DIPK1A: variants seen among roughly 807,000 people sequenced by gnomAD.
DIPK1A encodes the protein divergent protein kinase domain 1A.
Under a neutral mutation model 40.8 loss-of-function variants are expected in DIPK1A, and 27 were observed. The ratio of observed to expected loss-of-function variants is 0.66; its 90% CI spans 0.49 to 0.91. The LOEUF (loss-of-function observed/expected upper bound fraction) is 0.91, where lower values mean the gene tolerates loss of function less well. DIPK1A is among the 40% of genes least tolerant of loss of function. The probability of loss-of-function intolerance (pLI) is 0.00; values close to 1 mark genes in which losing one functional copy is unlikely to be tolerated. For missense variants in DIPK1A, 412 were observed against 505.7 expected, an observed-to-expected ratio of 0.81 and a Z score of 1.78; for synonymous variants, 166 against 171.3, an observed-to-expected ratio of 0.97 and a Z score of 0.24.
rs1295651133 is a variant in DIPK1A at position 92,852,380 on chromosome 1, CTCAAGTAT to C, written c.190-1433_190-1426del. Among the ~76,000 whole-genome samples the C allele has an allele frequency of 6.6e-5, 10 of 151,884 alleles. No homozygotes were observed. In the East Asian group the frequency reaches 2.0e-3, roughly 30 times the overall value. On this transcript the variant is annotated intron_variant, in intron 2 of 4. Transcript: ENST00000370310. ...GGGCGTGGTGGCGCATGCCTGTAAT[CTCAAGTAT>C]TCAGGAGGCTGCGGTGGAAGAGTCG...
intron 1 of DIPK1A, among the ~76,000 whole-genome samples, chr1:92,926,076 T>C (rs1650493248): frequency 6.6e-6 from 1 of 152,194 alleles, no homozygotes; most frequent in East Asian, 1.9e-4. Context: ...TTAATTGATA[T>C]CTGCTATTGT....
At chr1:92,861,875 G>A (rs1392476107) in intron 2 of DIPK1A, among the ~76,000 whole-genome samples, 1 of 151,072 alleles carries the variant, frequency 6.6e-6, no homozygotes, top group Non-Finnish European at 1.5e-5. Flanking sequence ...ACCTCCCTGG[G>A]CTCGGGTGAT....
chr1:92,903,159 C>T (rs1649485546), intron 1 of DIPK1A, among the ~76,000 whole-genome samples: 1 of 152,140 alleles, frequency 6.6e-6, no homozygotes, highest in Non-Finnish European at 1.5e-5. Context: ...GATCCTCCCA[C>T]CTCAGCCTCA....
chr1:92,944,485 A>G (rs1651288552), intron 1 of DIPK1A, among the ~76,000 whole-genome samples: 1 of 152,224 alleles, frequency 6.6e-6, no homozygotes, highest in Non-Finnish European at 1.5e-5. Flanking sequence ...AAGGATTGAT[A>G]ATCAAACTAG....
intron 2 of DIPK1A, among the ~76,000 whole-genome samples, chr1:92,861,427 G>A (rs1377286066): frequency 3.6e-5 from 5 of 137,944 alleles, no homozygotes; most frequent in Admixed American, 1.6e-4. Flanking sequence ...CCTGGGTTCC[G>A]GCAATTCTTG....
At chr1:92,849,703 G>A (rs1390527152) in intron 3 of DIPK1A, among the ~76,000 whole-genome samples, 2 of 151,894 alleles carry the variant, frequency 1.3e-5, no homozygotes, top group African/African-American at 2.4e-5. Flanking sequence ...TAGTAGAGAG[G>A]GGGTATCGCA....
chr1:92,923,287 C>T (rs958299002), intron 1 of DIPK1A, among the ~76,000 whole-genome samples: 2 of 152,010 alleles, frequency 1.3e-5, no homozygotes, highest in African/African-American at 4.8e-5. Flanking sequence ...TATAGGCGCC[C>T]ACCACCACGC....
intron 2 of DIPK1A, among the ~76,000 whole-genome samples, chr1:92,860,646 A>AAAAAAAAAAGCCAGG (rs148916481): frequency 9.5e-6 from 1 of 105,212 alleles, no homozygotes; most frequent in African/African-American, 3.7e-5. Context: ...AAAAAAAAAA[A>AAAAAAAAAAGCCAGG]TGGTGGTGTG....
At chr1:92,894,750 C>G (rs901273403) in intron 1 of DIPK1A, among the ~76,000 whole-genome samples, 1 of 152,158 alleles carries the variant, frequency 6.6e-6, no homozygotes, top group African/African-American at 2.4e-5. Flanking sequence ...AATAGATAGA[C>G]CGCTAGCTTG....
At chr1:92,851,346 C>T (rs780385117) in intron 2 of DIPK1A, among the ~76,000 whole-genome samples, 5 of 151,756 alleles carry the variant, frequency 3.3e-5, no homozygotes, top group Non-Finnish European at 4.4e-5. Context: ...GAGTTCGAGA[C>T]CAGCCTGGCT....
intron 2 of DIPK1A, among the ~76,000 whole-genome samples, chr1:92,852,352 G>A (rs766480038): frequency 2.8e-4 from 42 of 152,108 alleles, no homozygotes; most frequent in Non-Finnish European, 5.7e-4. Flanking sequence ...TACAAAATTA[G>A]CTGGGCGTGG....
intron 1 of DIPK1A, among the ~76,000 whole-genome samples, chr1:92,920,906 G>T (rs1292053116): frequency 1.3e-5 from 2 of 152,190 alleles, no homozygotes; most frequent in Admixed American, 6.5e-5. Flanking sequence ...AGTAGATTTT[G>T]CATAGGAGCC....
chr1:92,874,059 A>G (rs941637772), intron 2 of DIPK1A, among the ~76,000 whole-genome samples: 44 of 152,320 alleles, frequency 2.9e-4, no homozygotes, highest in African/African-American at 1.0e-3. Flanking sequence ...GTCTTAGGAA[A>G]ATGATGTATT....
At chr1:92,912,404 A>G (rs910668519) in intron 1 of DIPK1A, among the ~76,000 whole-genome samples, 7 of 152,112 alleles carry the variant, frequency 4.6e-5, no homozygotes, top group Non-Finnish European at 8.8e-5. Context: ...AATAACATAT[A>G]TATAATATAT....
chr1:92,836,082 ATTTTC>A, intron 4 of DIPK1A: 1 of 1,038,496 alleles, frequency 9.6e-7, no homozygotes, highest in East Asian at 2.4e-5. Context: ...GTGGAAGGAA[ATTTTC>A]TTTTCCAGAT....
intron 1 of DIPK1A, among the ~76,000 whole-genome samples, chr1:92,935,105 A>T (rs1557491741): frequency 2.0e-5 from 3 of 152,212 alleles, no homozygotes; most frequent in Admixed American, 1.3e-4. Flanking sequence ...AAGCCCAGCG[A>T]AGGTGGGTCA....
intron 1 of DIPK1A, among the ~76,000 whole-genome samples, chr1:92,940,527 CTG>C (rs1346758655): frequency 4.6e-5 from 7 of 152,198 alleles, no homozygotes; most frequent in African/African-American, 1.7e-4. Flanking sequence ...TCAACTACCT[CTG>C]ATATTTAAGA....
At chr1:92,865,066 A>G (rs1459349533) in intron 2 of DIPK1A, among the ~76,000 whole-genome samples, 1 of 146,844 alleles carries the variant, frequency 6.8e-6, no homozygotes, top group Non-Finnish European at 1.5e-5. Flanking sequence ...AAAAAAAGAT[A>G]TAACATACTA....
chr1:92,885,877 C>T (rs894252224), intron 1 of DIPK1A, among the ~76,000 whole-genome samples: 3 of 151,946 alleles, frequency 2.0e-5, no homozygotes, highest in African/African-American at 7.3e-5. Flanking sequence ...TAAATGATAC[C>T]GTTTGACATA....
Sources: allele counts gnomAD v4.1 joint callset (sites outside exome capture counted in the v4.1 genomes callset), GRCh38; gene constraint gnomAD v4.1.1; transcripts MANE v1.5; gene names NCBI Gene and HGNC (gene_info 2026-07-23, HGNC 2026-07-21).